MERTK: variants seen among roughly 807,000 people sequenced by gnomAD.
MERTK encodes tyrosine-protein kinase Mer.
A neutral mutation model predicts 99.3 loss-of-function variants in MERTK; 69 were observed. That is an observed-to-expected ratio of 0.70 (90% CI 0.57 to 0.85). The LOEUF is 0.85. Among genes scored for constraint, MERTK ranks in the 40% least tolerant of loss-of-function variants. MERTK has a pLI of 0.00. For missense variants in MERTK, 1,125 were observed against 1,249.4 expected (o/e 0.90, Z 1.50); for synonymous variants, 426 against 467.6 (o/e 0.91, Z 1.15).
At chr2:111,950,293 T>C (rs1685032572) in intron 4 of MERTK, among the ~76,000 whole-genome samples, 2 of 152,226 alleles carry the variant, frequency 1.3e-5, no homozygotes, top group Non-Finnish European at 2.9e-5. Flanking sequence ...GTTAATTTGG[T>C]TTATCCATTT....
chr2:111,996,343 T>C (rs1182733185), intron 9 of MERTK: 2 of 154,034 alleles, frequency 1.3e-5, no homozygotes, highest in Non-Finnish European at 2.9e-5. Flanking sequence ...GCACATCCTA[T>C]CATGACCAAC....
At chr2:112,027,790 C>G (rs1301845031) in intron 18 of MERTK, among the ~76,000 whole-genome samples, 1 of 152,228 alleles carries the variant, frequency 6.6e-6, no homozygotes, top group African/African-American at 2.4e-5. Context: ...TCCTGATCTT[C>G]TTAGCCCTAG....
chr2:111,905,312 C>A (rs1684116905), intron 1 of MERTK, among the ~76,000 whole-genome samples: 2 of 152,098 alleles, frequency 1.3e-5, no homozygotes, highest in African/African-American at 2.4e-5. Flanking sequence ...AGGGACATGG[C>A]CGGCATGTGA....
intron 1 of MERTK, among the ~76,000 whole-genome samples, chr2:111,902,078 T>C (rs955854407): frequency 6.6e-6 from 1 of 152,082 alleles, no homozygotes; most frequent in African/African-American, 2.4e-5. Context: ...AGAGACAGGG[T>C]TTCTCCGTGT....
chr2:111,990,728 A>C (rs902474574), intron 8 of MERTK, among the ~76,000 whole-genome samples: 1 of 152,178 alleles, frequency 6.6e-6, no homozygotes, highest in Admixed American at 6.5e-5. Context: ...CTAAATCTCA[A>C]CTTATTTACT....
chr2:111,909,980 G>A (rs968691511), intron 1 of MERTK, among the ~76,000 whole-genome samples: 4 of 152,186 alleles, frequency 2.6e-5, no homozygotes, highest in African/African-American at 9.7e-5. Flanking sequence ...GCACCCTCAT[G>A]TTTAATATAG....
intron 6 of MERTK, among the ~76,000 whole-genome samples, chr2:111,972,573 G>A (rs1355171525): frequency 2.0e-5 from 3 of 152,170 alleles, no homozygotes; most frequent in African/African-American, 7.2e-5. Context: ...GACAGCCAAA[G>A]TCCAGTGTTT....
At chr2:112,018,998 C>T (rs994824768) in intron 15 of MERTK, among the ~76,000 whole-genome samples, 7 of 139,902 alleles carry the variant, frequency 5.0e-5, no homozygotes, top group African/African-American at 1.0e-4. Context: ...TTTTCCCCTC[C>T]GAAACATTAG....
intron 2 of MERTK, among the ~76,000 whole-genome samples, chr2:111,936,836 G>T (rs571474018): frequency 6.6e-6 from 1 of 152,250 alleles, no homozygotes; most frequent in South Asian, 2.1e-4. Flanking sequence ...AGTCTCCAAA[G>T]AAGGGTGTAA....
At chr2:111,914,083 T>G (rs1684301339) in intron 1 of MERTK, among the ~76,000 whole-genome samples, 1 of 136,586 alleles carries the variant, frequency 7.3e-6, no homozygotes, top group Middle Eastern at 3.7e-3. Context: ...CCTCTTTTCT[T>G]TCTTTCTTTC....
chr2:112,022,152 T>C, intron 17 of MERTK, 106 bp from the exon 18 acceptor site: 2 of 1,508,808 alleles, frequency 1.3e-6, no homozygotes, highest in Non-Finnish European at 1.8e-6. Flanking sequence ...TTGCCAGCTT[T>C]GTGCATGATC....
chr2:111,967,918 G>A (rs1227819220), intron 5 of MERTK, among the ~76,000 whole-genome samples: 3 of 152,056 alleles, frequency 2.0e-5, no homozygotes, highest in Non-Finnish European at 2.9e-5. Context: ...GTGGGTCTGC[G>A]TTCACTTCTT....
intron 1 of MERTK, among the ~76,000 whole-genome samples, chr2:111,925,146 T>C (rs753203881): frequency 5.9e-5 from 9 of 151,440 alleles, no homozygotes; most frequent in Non-Finnish European, 1.0e-4. Context: ...GCTCTGTTCC[T>C]GAAATAAGTC....
intron 1 of MERTK, among the ~76,000 whole-genome samples, chr2:111,910,614 A>G (rs201223586): frequency 0.023 from 1,418 of 61,154 alleles, 11 homozygotes; most frequent in Middle Eastern, 0.06. Flanking sequence ...GTGTGTGTAT[A>G]TATATATATA....
At chr2:111,908,519 A>T (rs55728465) in intron 1 of MERTK, among the ~76,000 whole-genome samples, 1 of 151,938 alleles carries the variant, frequency 6.6e-6, no homozygotes, top group Non-Finnish European at 1.5e-5. Flanking sequence ...GGGTGTTTCA[A>T]TTCCCATGCA....
Position 112,028,877 on chromosome 2 carries a change from G to A in MERTK, c.*13G>A. ...AGTCCTGATGTGAGGAGAGGTGCGG[G>A]GAGACATTCCAAAAATCAAGCCAAT... On this transcript the variant is annotated 3_prime_UTR_variant, in exon 19 of 19. Transcript: ENST00000295408. The A allele has an allele frequency of 6.2e-7, 1 of 1,613,478 alleles. No homozygotes were observed. The highest frequency in any genetic ancestry group is 8.5e-7 in the Non-Finnish European group (1 of 1,180,032).
intron 15 of MERTK, 69 bp from the exon 16 acceptor site, chr2:112,019,344 C>A (rs763462252): frequency 1.2e-5 from 14 of 1,135,130 alleles, no homozygotes; most frequent in Non-Finnish European, 1.7e-5. Context: ...TTTCCCCCCC[C>A]GGCAGAAACT....
At chr2:111,949,298 C>T (rs1271809986) in intron 4 of MERTK, among the ~76,000 whole-genome samples, 3 of 152,098 alleles carry the variant, frequency 2.0e-5, no homozygotes, top group Non-Finnish European at 2.9e-5. Context: ...TTGTCTCTCC[C>T]ATTCACCTCT....
chr2:111,993,818 C>G (rs1356673101), intron 8 of MERTK, among the ~76,000 whole-genome samples: 1 of 151,940 alleles, frequency 6.6e-6, no homozygotes, highest in East Asian at 1.9e-4. Flanking sequence ...CTAATAATTT[C>G]AAGGAACAGG....
Sources: allele counts gnomAD v4.1 joint callset (sites outside exome capture counted in the v4.1 genomes callset), GRCh38; gene constraint gnomAD v4.1.1; transcripts MANE v1.5; gene names NCBI Gene and HGNC (gene_info 2026-07-23, HGNC 2026-07-21).